Variants in TTC27 observed in about 807,000 individuals in gnomAD.
The protein encoded by TTC27 is tetratricopeptide repeat protein 27.
Under a neutral mutation model 115.9 loss-of-function variants are expected in TTC27, and 79 were observed. The observed-to-expected ratio is 0.68, with a 90% CI of 0.57 to 0.82. TTC27 has a LOEUF of 0.82. Among genes scored for constraint, TTC27 ranks in the 40% least tolerant of loss-of-function variants. TTC27 has a pLI of 0.00. For synonymous variants in TTC27, 401 were observed against 356.0 expected (o/e 1.13, Z -1.42); for missense variants, 1,054 against 993.1 (o/e 1.06, Z -0.82).
At chr2:32,774,183 CT>C (rs35405720) in intron 13 of TTC27, among the ~76,000 whole-genome samples, 147 of 139,750 alleles carry the variant, frequency 1.1e-3, no homozygotes, top group Middle Eastern at 3.7e-3. Flanking sequence ...CTTCCTTTTA[CT>C]TTTTTTTTTT....
intron 8 of TTC27, among the ~76,000 whole-genome samples, chr2:32,676,136 G>A (rs1431645806): frequency 6.6e-6 from 1 of 151,872 alleles, no homozygotes; most frequent in Non-Finnish European, 1.5e-5. Context: ...ACAACAGTGG[G>A]GATAGCTTCA....
intron 16 of TTC27, among the ~76,000 whole-genome samples, chr2:32,806,475 A>G (rs1255993262): frequency 1.3e-5 from 2 of 152,234 alleles, no homozygotes; most frequent in African/African-American, 4.8e-5. Flanking sequence ...AGTGGGAATA[A>G]AAATGATAAT....
At chr2:32,756,745 T>C (rs1404624809) in intron 12 of TTC27, among the ~76,000 whole-genome samples, 1 of 152,254 alleles carries the variant, frequency 6.6e-6, no homozygotes, top group Non-Finnish European at 1.5e-5. Flanking sequence ...CTTTCCTGGA[T>C]ATGTACATCC....
At chr2:32,716,115 T>TAAACATAA (rs1177060872) in intron 10 of TTC27, among the ~76,000 whole-genome samples, 2 of 152,154 alleles carry the variant, frequency 1.3e-5, no homozygotes, top group African/African-American at 4.8e-5. Flanking sequence ...TTTCTATGCG[T>TAAACATAA]AAGCATAAAT....
Position 32,777,780 on chromosome 2 carries a change from C to G in TTC27, c.1681-102C>G, listed in dbSNP as rs1357243345. 12 of 1,060,516 alleles carry G rather than the reference C, an allele frequency of 1.1e-5. No individual in the cohort carries two copies. The East Asian group carries it at 3.0e-4, about 27-fold the overall frequency. The allele number at this position is 1,060,516 out of a possible 1,614,324, so 65.7% of individuals were successfully genotyped here. On this transcript the variant is annotated intron_variant, in intron 13 of 19. Transcript: ENST00000317907. ...AATATTTATTATATAGCTCTGCATT[C>G]TTTCTAGGAGTGTGTTTGTTGATAG...
chr2:32,753,038 T>C (rs1359007071), intron 12 of TTC27, among the ~76,000 whole-genome samples: 1 of 152,158 alleles, frequency 6.6e-6, no homozygotes, highest in Non-Finnish European at 1.5e-5. Flanking sequence ...GACTGAGCAG[T>C]GGTCTGGCAT....
chr2:32,732,749 T>G (rs1344276635), intron 10 of TTC27, among the ~76,000 whole-genome samples: 1 of 152,188 alleles, frequency 6.6e-6, no homozygotes, highest in Non-Finnish European at 1.5e-5. Flanking sequence ...TCCTCAAATA[T>G]GAGAACGACA....
At chr2:32,665,879 G>T (rs975606670) in intron 6 of TTC27, among the ~76,000 whole-genome samples, 5 of 152,068 alleles carry the variant, frequency 3.3e-5, no homozygotes, top group African/African-American at 1.2e-4. Context: ...AACAGAGCAG[G>T]ACTCCATCTC....
chr2:32,765,581 G>A (rs1669599688), intron 13 of TTC27, among the ~76,000 whole-genome samples: 1 of 152,142 alleles, frequency 6.6e-6, no homozygotes, highest in African/African-American at 2.4e-5. Context: ...TAATAGGAGA[G>A]TCAGCCTGTC....
intron 9 of TTC27, among the ~76,000 whole-genome samples, chr2:32,700,549 T>C (rs1461277127): frequency 1.3e-5 from 2 of 152,190 alleles, no homozygotes; most frequent in East Asian, 3.9e-4. Flanking sequence ...AAAAAAAATT[T>C]TTTTTTTGAC....
intron 12 of TTC27, among the ~76,000 whole-genome samples, chr2:32,752,604 G>A (rs902403862): frequency 6.6e-6 from 1 of 152,080 alleles, no homozygotes; most frequent in Non-Finnish European, 1.5e-5. Flanking sequence ...TGGTCCCAAG[G>A]TTTTCCCCTG....
At position 32,664,378 on chromosome 2, in the gene TTC27, A is replaced by T; in HGVS notation, c.716A>T (p.Tyr239Phe). 6.2e-7 allele frequency: 1 copy of T among 1,612,774 alleles called. No individual in the cohort carries two copies. The highest frequency in any genetic ancestry group is 8.5e-7 in the Non-Finnish European group (1 of 1,179,464). ...LAIQFHLECA[Y>F]VFLYYYEYRK... ...ATTCAATTCCATCTGGAATGTGCAT[A>T]TGTGTTTTTATATTATTATGAGTAC... The change falls in exon 6 of 20, where the codon TAT becomes TTT. Residue 239 changes from tyrosine to phenylalanine, a missense_variant. Tyr to Phe is a conservative substitution (Grantham distance 22, BLOSUM62 3). Transcript: ENST00000317907.
At chr2:32,721,751 C>A (rs1275835076) in intron 10 of TTC27, among the ~76,000 whole-genome samples, 2 of 151,590 alleles carry the variant, frequency 1.3e-5, no homozygotes, top group Non-Finnish European at 2.9e-5. Context: ...ATCCTCCTGC[C>A]TTTGCCTCCC....
Position 32,723,314 on chromosome 2 carries a change from A to G in TTC27, c.1234-10514A>G, listed in dbSNP as rs1006255587. On this transcript the variant is annotated intron_variant, in intron 10 of 19. Transcript: ENST00000317907. Reference sequence around the variant, plus strand: ...GCAGCATTTTCCAAATTTGCTGAACATATGTACCAGCTCTTGGTGGGGGTG... The same window carrying G: ...GCAGCATTTTCCAAATTTGCTGAACGTATGTACCAGCTCTTGGTGGGGGTG... 3.9e-5 allele frequency among the ~76,000 whole-genome samples: 6 copies of G among 152,112 alleles called. No individual in the cohort carries two copies. In the East Asian group the frequency reaches 7.7e-4, roughly 20 times the overall value.
intron 5 of TTC27, 121 bp downstream of exon 5, chr2:32,650,354 T>A: frequency 7.8e-5 from 9 of 114,694 alleles, no homozygotes; most frequent in Non-Finnish European, 1.5e-4. Flanking sequence ...GAGTTGTTTC[T>A]TTTTTTTTTT....
At position 32,682,625 on chromosome 2, in the gene TTC27, A is replaced by G. The variant is rs191677317; in HGVS notation, c.1119+3703A>G. 4.6e-5 allele frequency among the ~76,000 whole-genome samples: 7 copies of G among 151,626 alleles called. No individual in the cohort carries two copies. In the East Asian group the frequency reaches 9.7e-4, roughly 21 times the overall value. On this transcript the variant is annotated intron_variant, in intron 9 of 19. Transcript: ENST00000317907. ...AGGGTTGTGAACTATTGAGGCTACA[A>G]GATGTCTTCCTCTGTTGATAGAAGA...
intron 9 of TTC27, among the ~76,000 whole-genome samples, chr2:32,692,704 G>A (rs919829638): frequency 6.6e-6 from 1 of 152,118 alleles, no homozygotes. Flanking sequence ...GGGCACGGTG[G>A]TTTACACCTG....
chr2:32,690,622 G>A (rs1461286164), intron 9 of TTC27, among the ~76,000 whole-genome samples: 1 of 152,200 alleles, frequency 6.6e-6, no homozygotes, highest in Non-Finnish European at 1.5e-5. Flanking sequence ...CAAAGGCAAG[G>A]AGACGGGAGA....
intron 12 of TTC27, among the ~76,000 whole-genome samples, chr2:32,754,048 G>A (rs1047897475): frequency 6.6e-6 from 1 of 151,454 alleles, no homozygotes; most frequent in African/African-American, 2.4e-5. Context: ...ACTCCAGCCT[G>A]GGCGACAGAA....
Sources: gnomAD v4.1 joint callset for allele counts (sites outside exome capture counted in the v4.1 genomes callset) on GRCh38, gnomAD v4.1.1 for gene constraint, MANE v1.5 for transcripts, NCBI Gene and HGNC (gene_info 2026-07-23, HGNC 2026-07-21) for gene names.